LRP1: variants seen among roughly 807,000 people sequenced by gnomAD.
LRP1 encodes prolow-density lipoprotein receptor-related protein 1.
LRP1 carries 51 observed loss-of-function variants against 541.5 expected under a neutral mutation model. That is an observed-to-expected ratio of 0.09 (90% CI 0.08 to 0.12). The LOEUF is 0.12. LRP1 is among the 10% of genes least tolerant of loss of function. The probability of loss-of-function intolerance (pLI) is 1.00; values close to 1 mark genes in which losing one functional copy is unlikely to be tolerated. For missense variants in LRP1, 3,878 were observed against 6,376.2 expected, an observed-to-expected ratio of 0.61 and a Z score of 13.34; for synonymous variants, 2,219 against 2,470.8, an observed-to-expected ratio of 0.90 and a Z score of 3.02.
At chr12:57,149,080 T>TGGC in intron 6 of LRP1, 1 of 539,068 alleles carries the variant, frequency 1.9e-6, no homozygotes, top group Non-Finnish European at 3.3e-6. Flanking sequence ...TCTAATGAAC[T>TGGC]GGCTGCTGCT....
intron 2 of LRP1, 126 bp downstream of exon 2, chr12:57,138,707 C>T: frequency 7.5e-7 from 1 of 1,331,564 alleles, no homozygotes; most frequent in Non-Finnish European, 1.0e-6. Context: ...TTGTATTTGT[C>T]CATGACACAG....
intron 8 of LRP1, chr12:57,155,722 GAGAAGTGC>G (rs945211562): frequency 5.8e-6 from 1 of 171,666 alleles, no homozygotes; most frequent in Admixed American, 5.9e-5. Flanking sequence ...GCTGAGGCAG[GAGAAGTGC>G]TTGAGCCTCG....
intron 6 of LRP1, among the ~76,000 whole-genome samples, chr12:57,148,543 G>A (rs1330209970): frequency 6.6e-6 from 1 of 152,078 alleles, no homozygotes; most frequent in Non-Finnish European, 1.5e-5. Context: ...GGGCAGGCCT[G>A]GTGGTGCAGT....
chr12:57,174,917 C>G (rs933825021), intron 22 of LRP1, among the ~76,000 whole-genome samples: 1 of 152,170 alleles, frequency 6.6e-6, no homozygotes, highest in Non-Finnish European at 1.5e-5. Context: ...GGCAGAGCCC[C>G]CAGTTCCTTG....
In LRP1 at chr12:57,193,315, C is replaced by G; in HGVS notation, c.7684+11C>G. The G allele has an allele frequency of 6.2e-7, 1 of 1,607,978 alleles. No individual in the cohort carries two copies. Among genetic ancestry groups the G allele is most frequent in the Non-Finnish European group, 8.5e-7 (1 of 1,179,866 alleles). On this transcript the variant is annotated intron_variant, in intron 46 of 88. Coordinates refer to ENST00000243077, the MANE Select transcript of LRP1 (RefSeq NM_002332.3). ...AGCCATCCTACTGCAGTAAGGAGCCCCCTGCAGCCCCTGCCTCTTCCAGGC... is the reference window on the plus strand; with the variant it reads ...AGCCATCCTACTGCAGTAAGGAGCCGCCTGCAGCCCCTGCCTCTTCCAGGC...
rs779836700 is a variant in LRP1 at position 57,185,018 on chromosome 12, G to A, written c.6338+28G>A. ...GAGGGCTTCTGTCCTGGCCTCCTCA[G>A]CTGATCTCTTCCTTCCCTCCTGCCT... On this transcript the variant is annotated intron_variant, in intron 39 of 88. Coordinates refer to ENST00000243077, the MANE Select transcript of LRP1 (RefSeq NM_002332.3). This position sits in a 1 kb window ranked among gnomAD's most constrained non-coding sequence, Gnocchi z 4.9. The A allele has an allele frequency of 8.1e-6, 13 of 1,613,882 alleles. No individual in the cohort carries two copies. The highest frequency in any genetic ancestry group is 1.7e-5 in the Admixed American group (1 of 60,024).
intron 70 of LRP1, 128 bp downstream of exon 70, chr12:57,203,649 A>G: frequency 2.4e-6 from 3 of 1,228,602 alleles, no homozygotes; most frequent in Non-Finnish European, 3.3e-6. Context: ...TTAAGCATTT[A>G]CCATGTACCA....
rs763128313 is a variant in LRP1, at chr12:57,129,057, G to A, written c.67+26G>A. 1,036 of 1,550,552 alleles carry A rather than the reference G, an allele frequency of 6.7e-4. 1 individual carries two copies. Among genetic ancestry groups the A allele is most frequent in the Non-Finnish European group, 8.7e-4 (1,002 of 1,146,222 alleles). On this transcript the variant is annotated intron_variant, in intron 1 of 88. Transcript: ENST00000243077. ...GTGAGTGAGATTCCGCGTCCCCCTT[G>A]GACCCCTGGGGGCACCCTCTCCCCA...
chr12:57,139,907 C>A (rs4759277), intron 2 of LRP1, among the ~76,000 whole-genome samples: 57,443 of 152,010 alleles, frequency 0.38, 11,172 homozygotes, highest in Admixed American at 0.47. Flanking sequence ...CTCTCACTAC[C>A]TACCGCTGCA....
chr12:57,172,412 G>A (rs945647957), intron 20 of LRP1, among the ~76,000 whole-genome samples: 2 of 152,178 alleles, frequency 1.3e-5, no homozygotes, highest in South Asian at 2.1e-4. Flanking sequence ...CTCGTGATCC[G>A]CCCGCCTTGG....
intron 1 of LRP1, among the ~76,000 whole-genome samples, chr12:57,136,339 G>T (rs2035163364): frequency 6.7e-6 from 1 of 149,474 alleles, no homozygotes; most frequent in South Asian, 2.1e-4. Context: ...CAGCGGTGGG[G>T]GTTAGGAGGG....
At position 57,211,164 on chromosome 12, in the gene LRP1, C is replaced by T. The variant is rs778871314; in HGVS notation, c.12917-12C>T. The T allele has an allele frequency of 2.5e-5, 41 of 1,612,694 alleles. No homozygotes were observed. The Admixed American group carries it at 3.0e-4, about 12-fold the overall frequency. On this transcript the variant is annotated splice_polypyrimidine_tract_variant and intron_variant, in intron 83 of 88. Transcript: ENST00000243077. This position sits in a 1 kb window ranked among gnomAD's most constrained non-coding sequence, Gnocchi z 4.3. ...TGGGGCTTGAGGCACTTCTCTCCCT[C>T]CCCAACCACAGGGCAGTGCTCTGGC...
At chr12:57,170,256 T>C (rs1169261482) in intron 20 of LRP1, among the ~76,000 whole-genome samples, 2 of 152,254 alleles carry the variant, frequency 1.3e-5, no homozygotes, top group African/African-American at 4.8e-5. Flanking sequence ...TCATCTTAAG[T>C]TGACCATCTG....
At chr12:57,155,025 G>A (rs1592615298) in intron 8 of LRP1, 1 of 569,672 alleles carries the variant, frequency 1.8e-6, no homozygotes, top group South Asian at 2.3e-5. Flanking sequence ...GGATCAAAGA[G>A]GTTAGGTGAT....
chr12:57,137,196 G>A (rs369884961), intron 1 of LRP1, among the ~76,000 whole-genome samples: 8 of 151,092 alleles, frequency 5.3e-5, no homozygotes, highest in African/African-American at 1.9e-4. Flanking sequence ...AGCCAAGATC[G>A]TGCCATTGCA....
chr12:57,136,340 G>C (rs1030087564), intron 1 of LRP1, among the ~76,000 whole-genome samples: 1 of 148,560 alleles, frequency 6.7e-6, no homozygotes, highest in Non-Finnish European at 1.5e-5. Context: ...AGCGGTGGGG[G>C]TTAGGAGGGA....
chr12:57,167,617 C>T (rs2035865630), intron 19 of LRP1, 93 bp downstream of exon 19: 2 of 982,410 alleles, frequency 2.0e-6, no homozygotes, highest in East Asian at 4.8e-5. Context: ...CAGAATCCAG[C>T]AGGGCCTCCC....
At position 57,205,779 on chromosome 12, in the gene LRP1, C is replaced by CCTG; in HGVS notation, c.11590+103_11590+104insTGC. ...GGAATGTCTTCCTGCGGACATCTTG[C>CCTG]CCAGACAAGAAGCCCCAGACTCATA... On this transcript the variant is annotated intron_variant, in intron 75 of 88. Coordinates refer to ENST00000243077, the MANE Select transcript of LRP1 (RefSeq NM_002332.3). This position sits in a 1 kb window ranked among gnomAD's most constrained non-coding sequence, Gnocchi z 4.6. 6.7e-7 allele frequency: 1 copy of CCTG among 1,501,730 alleles called. No individual in the cohort carries two copies. The allele number at this position is 1,501,730 out of a possible 1,614,324, so 93.0% of individuals were successfully genotyped here. A position where few individuals can be genotyped will look rare whatever the true frequency, so the allele number is the denominator to read the frequency against.
In LRP1 at chr12:57,149,425, C is replaced by A. The variant is rs531686627; in HGVS notation, c.841+3935C>A. 2.1e-5 allele frequency: 12 copies of A among 581,100 alleles called. No homozygotes were observed. The Middle Eastern group carries it at 1.4e-3, about 66-fold the overall frequency. 36.0% of individuals were successfully genotyped at this position (581,100 alleles called of 1,614,324 possible). On this transcript the variant is annotated intron_variant, in intron 6 of 88. Transcript: ENST00000243077. ...GATCCAGCCCTGTCCTCTCCTCCCC[C>A]GCTGTCTCCTTGAAATTGCCTCTCC...
Sources: gnomAD v4.1 joint callset for allele counts (sites outside exome capture counted in the v4.1 genomes callset) on GRCh38, gnomAD v4.1.1 for gene constraint, Gnocchi (gnomAD v3.1) non-coding constraint, MANE v1.5 for transcripts, NCBI Gene and HGNC (gene_info 2026-07-23, HGNC 2026-07-21) for gene names.